Variants in CLIC6 observed in about 807,000 individuals in gnomAD.
CLIC6 encodes chloride intracellular channel protein 6.
Under a neutral mutation model 49.2 loss-of-function variants are expected in CLIC6, and 39 were observed. That is an observed-to-expected ratio of 0.79 (90% CI 0.61 to 1.04). The LOEUF (loss-of-function observed/expected upper bound fraction) is 1.04, where lower values mean the gene tolerates loss of function less well. CLIC6 is among the 50% of genes least tolerant of loss of function. The pLI, the probability that CLIC6 is intolerant of heterozygous loss-of-function variation, is 0.00. For missense variants in CLIC6, 988 were observed against 993.1 expected, an observed-to-expected ratio of 0.99 and a Z score of 0.07; for synonymous variants, 446 against 433.4, an observed-to-expected ratio of 1.03 and a Z score of -0.36.
At position 34,670,300 on chromosome 21, in the gene CLIC6, C is replaced by T. The variant is rs763496806; in HGVS notation, c.912C>T (p.Leu304=). 1.5e-5 allele frequency: 22 copies of T among 1,444,210 alleles called. No homozygotes were observed. Among genetic ancestry groups the T allele is most frequent in the Middle Eastern group, 4.8e-4 (2 of 4,192 alleles). The allele number at this position is 1,444,210 out of a possible 1,614,324, so 89.5% of individuals were successfully genotyped here. A position where few individuals can be genotyped will look rare whatever the true frequency, so the allele number is the denominator to read the frequency against. ...GEPQQSGDGS[L]SPQAEAIEVA... ...CGCAGCAATCGGGGGACGGCAGCCT[C>T]TCGCCCCAGGCCGAGGCAATTGAGG... The change falls in exon 1 of 6, where the codon CTC becomes CTT. Residue 304 remains leucine (L), a synonymous_variant. Transcript: ENST00000349499.
intron 1 of CLIC6, among the ~76,000 whole-genome samples, chr21:34,698,914 G>A (rs1203972554): frequency 6.6e-6 from 1 of 152,212 alleles, no homozygotes; most frequent in East Asian, 1.9e-4. Context: ...GGCTTCAAAA[G>A]CAGAAACGCT....
At chr21:34,696,357 TC>T (rs749778236) in intron 1 of CLIC6, among the ~76,000 whole-genome samples, 4 of 152,224 alleles carry the variant, frequency 2.6e-5, no homozygotes, top group Non-Finnish European at 5.9e-5. Flanking sequence ...ATATGTGTTC[TC>T]TTATCACCAT....
chr21:34,709,307 G>A (rs1342516321), intron 4 of CLIC6, 50 bp from the exon 5 acceptor site: 2 of 1,529,936 alleles, frequency 1.3e-6, no homozygotes, highest in South Asian at 1.1e-5. Context: ...GGTGAAAAGT[G>A]ACATGCACTT....
In CLIC6 at chr21:34,716,447, C is replaced by T. The variant is rs1016134525; in HGVS notation, c.2026C>T (p.His676Tyr). The T allele has an allele frequency of 1.9e-6, 3 of 1,612,346 alleles. No individual in the cohort carries two copies. Among genetic ancestry groups the T allele is most frequent in the Non-Finnish European group, 2.5e-6 (3 of 1,179,458 alleles). The change falls in exon 6 of 6, where the codon CAC becomes TAC. Residue 676 changes from histidine (H) to tyrosine (Y), a missense_variant. This residue lies in a region of CLIC6 where 647 missense variants were observed against 596.9 expected (regional missense o/e 1.08). Transcript: ENST00000349499. ...GTGTCCAGCTGATCAAGAGATTGAA[C>T]ACGCATATTCAGATGTTGCAAAAAG... is the stretch of plus-strand genomic sequence containing the variant. ...NTCPADQEIEHAYSDVAKRMK is the reference protein window; with the variant it reads ...NTCPADQEIEYAYSDVAKRMK
chr21:34,678,651 C>G (rs1989720447), intron 1 of CLIC6, among the ~76,000 whole-genome samples: 1 of 151,796 alleles, frequency 6.6e-6, no homozygotes, highest in Non-Finnish European at 1.5e-5. Context: ...TGTTTTTTGC[C>G]TACAAAAACC....
intron 1 of CLIC6, among the ~76,000 whole-genome samples, chr21:34,701,695 C>T (rs1372833733): frequency 3.3e-5 from 5 of 152,230 alleles, no homozygotes; most frequent in African/African-American, 1.2e-4. Flanking sequence ...CATTCCCGTC[C>T]ACCATGTTGC....
chr21:34,704,630 G>C (rs552906983), intron 1 of CLIC6, among the ~76,000 whole-genome samples: 1 of 152,140 alleles, frequency 6.6e-6, no homozygotes, highest in South Asian at 2.1e-4. Context: ...CCTGTTTCTG[G>C]CCAGATGTTC....
chr21:34,679,918 G>T (rs1213152940), intron 1 of CLIC6, among the ~76,000 whole-genome samples: 1 of 152,248 alleles, frequency 6.6e-6, no homozygotes, highest in Non-Finnish European at 1.5e-5. Flanking sequence ...TTGAGTGTCT[G>T]TGGCTTTTCC....
intron 1 of CLIC6, among the ~76,000 whole-genome samples, chr21:34,674,399 C>CGA (rs1989624761): frequency 6.6e-6 from 1 of 152,202 alleles, no homozygotes; most frequent in Non-Finnish European, 1.5e-5. Context: ...GCCTCTCTTC[C>CGA]TATTTTGTTA....
intron 1 of CLIC6, among the ~76,000 whole-genome samples, chr21:34,694,338 G>C (rs1043637658): frequency 6.6e-6 from 1 of 151,820 alleles, no homozygotes; most frequent in Non-Finnish European, 1.5e-5. Flanking sequence ...TCGCTCTGTT[G>C]CCCAGGCTGA....
intron 1 of CLIC6, among the ~76,000 whole-genome samples, chr21:34,682,995 T>C (rs571078603): frequency 6.6e-6 from 1 of 151,960 alleles, no homozygotes; most frequent in African/African-American, 2.4e-5. Flanking sequence ...GTATTTTTAG[T>C]AGAAACGGGG....
Position 34,669,823 on chromosome 21 carries a change from T to C in CLIC6, c.435T>C (p.Pro145=). The stretch of plus-strand genomic sequence containing the variant: ...GGCAGGAGGAGGCGGAGCAGAGGCC[T>C]GAGGTCCCGGAAGGTAGCGCGTCCG... ...PERQEEAEQR[P]EVPEGSASGE... is the part of the protein sequence containing the mutation. Residue 145 remains proline (P), a synonymous_variant, in exon 1 of 6, where the codon CCT becomes CCC. Coordinates refer to ENST00000349499, the MANE Select transcript of CLIC6 (RefSeq NM_053277.3). 7.1e-7 allele frequency: 1 copy of C among 1,405,254 alleles called. No homozygotes were observed. The highest frequency in any genetic ancestry group is 9.2e-7 in the Non-Finnish European group (1 of 1,087,570). 87.0% of individuals were successfully genotyped at this position (1,405,254 alleles called of 1,614,324 possible).
chr21:34,669,913 G>C lies in CLIC6; in HGVS notation c.525G>C (p.Pro175=). 5 of 1,320,024 alleles carry C rather than the reference G, an allele frequency of 3.8e-6. No homozygotes were observed. Among genetic ancestry groups the C allele is most frequent in the Non-Finnish European group, 4.8e-6 (5 of 1,033,762 alleles). 81.8% of individuals were successfully genotyped at this position (1,320,024 alleles called of 1,614,324 possible). ...PLGDNIEAEG[P]AGDSVEAEGR... Reference sequence around the variant, plus strand: ...GGGACAACATAGAAGCGGAGGGCCCGGCGGGCGACAGCGTAGAGGCGGAGG... The same window carrying C: ...GGGACAACATAGAAGCGGAGGGCCCCGCGGGCGACAGCGTAGAGGCGGAGG... The change falls in exon 1 of 6, where the codon CCG becomes CCC. Residue 175 remains proline, a synonymous_variant. Transcript: ENST00000349499.
At chr21:34,670,948 G>A (rs990620326) in intron 1 of CLIC6, among the ~76,000 whole-genome samples, 186 bp downstream of exon 1, 4 of 151,734 alleles carry the variant, frequency 2.6e-5, no homozygotes, top group Non-Finnish European at 5.9e-5. Context: ...CAGGGCATTT[G>A]CGGGAGGACT....
chr21:34,671,601 C>G (rs1989568469), intron 1 of CLIC6, among the ~76,000 whole-genome samples: 1 of 152,284 alleles, frequency 6.6e-6, no homozygotes, highest in Middle Eastern at 3.4e-3. Context: ...GCAGTTCACA[C>G]CAGGATCTTT....
At chr21:34,688,688 G>T (rs1989929975) in intron 1 of CLIC6, among the ~76,000 whole-genome samples, 1 of 152,222 alleles carries the variant, frequency 6.6e-6, no homozygotes, top group African/African-American at 2.4e-5. Flanking sequence ...AGAAAGGCTT[G>T]GGCAGAGGGT....
chr21:34,713,776 T>C (rs1397453387), intron 5 of CLIC6, among the ~76,000 whole-genome samples: 2 of 152,174 alleles, frequency 1.3e-5, no homozygotes, highest in African/African-American at 2.4e-5. Flanking sequence ...ATGTTAAACA[T>C]TGCCCCAGAA....
intron 5 of CLIC6, among the ~76,000 whole-genome samples, chr21:34,710,134 T>G (rs2014474): frequency 1.3e-5 from 2 of 151,468 alleles, no homozygotes; most frequent in African/African-American, 4.9e-5. Context: ...AAAAATTAGC[T>G]GGGCATGGTG....
rs1435651443 is a variant in CLIC6, at chr21:34,669,489, C to T, written c.101C>T (p.Ala34Val). 4.9e-6 allele frequency: 6 copies of T among 1,234,720 alleles called. No homozygotes were observed. Among genetic ancestry groups the T allele is most frequent in the Non-Finnish European group, 6.1e-6 (6 of 990,058 alleles). 76.5% of individuals were successfully genotyped at this position (1,234,720 alleles called of 1,614,324 possible). ...GAGAGACCCGGAGAGCCAGGAGCCGCGGGCGGGGAGGCAGAAGGGCCGGAG... is the reference window on the plus strand; with the variant it reads ...GAGAGACCCGGAGAGCCAGGAGCCGTGGGCGGGGAGGCAGAAGGGCCGGAG... The part of the protein sequence containing the change: ...LAERPGEPGA[A>V]GGEAEGPEGS... The change falls in exon 1 of 6, where the codon GCG becomes GTG. Residue 34 changes from alanine (A) to valine (V), a missense_variant. By Grantham distance (64) the Ala-to-Val change is moderately conservative. Around this residue, in one of 3 missense-constraint regions of CLIC6, gnomAD observed 284 missense variants for 278.6 expected, o/e 1.02. Transcript: ENST00000349499.
Sources: gnomAD v4.1 joint callset for allele counts (sites outside exome capture counted in the v4.1 genomes callset) on GRCh38, gnomAD v4.1.1 for gene constraint, gnomAD v4.1.1 regional missense constraint, MANE v1.5 for transcripts, NCBI Gene and HGNC (gene_info 2026-07-23, HGNC 2026-07-21) for gene names.